Variants in ERI3 observed in about 807,000 individuals in gnomAD.
The protein encoded by ERI3 is ERI1 exoribonuclease 3.
In ERI3, 18 loss-of-function variants were observed where a neutral mutation model predicts 44.4. The ratio of observed to expected loss-of-function variants is 0.41; its 90% CI spans 0.28 to 0.60. The LOEUF is 0.60. Ranked by LOEUF, ERI3 falls within the 20% of genes least tolerant of loss-of-function variation. The pLI, the probability that ERI3 is intolerant of heterozygous loss-of-function variation, is 0.36. For synonymous variants in ERI3, 183 were observed against 164.8 expected (o/e 1.11, Z -0.84); for missense variants, 294 against 435.5 (o/e 0.68, Z 2.89).
At chr1:44,319,510 T>C in intron 4 of ERI3, 118 bp downstream of exon 4, 1 of 686,874 alleles carries the variant, frequency 1.5e-6, no homozygotes, top group Non-Finnish European at 2.6e-6. Flanking sequence ...AGGTCTAGTG[T>C]GCACTTGCCT....
At chr1:44,353,802 C>T (rs922593167) in intron 1 of ERI3, 3 of 985,360 alleles carry the variant, frequency 3.0e-6, no homozygotes, top group Non-Finnish European at 3.6e-6. Context: ...CTTAAGTTGC[C>T]AAAGTGCTCT....
intron 8 of ERI3, among the ~76,000 whole-genome samples, chr1:44,244,879 T>A (rs1644521190): frequency 6.6e-6 from 1 of 152,074 alleles, no homozygotes; most frequent in Admixed American, 6.5e-5. Flanking sequence ...GCCACACCCC[T>A]GTGGCACTGC....
chr1:44,331,638 C>T (rs923599796), intron 3 of ERI3, among the ~76,000 whole-genome samples: 2 of 152,242 alleles, frequency 1.3e-5, no homozygotes, highest in Non-Finnish European at 2.9e-5. Flanking sequence ...ATCCAACTAA[C>T]TGAACAGTGA....
chr1:44,348,823 G>T (rs1194081453), intron 2 of ERI3, among the ~76,000 whole-genome samples: 1 of 152,228 alleles, frequency 6.6e-6, no homozygotes, highest in Non-Finnish European at 1.5e-5. Context: ...TGGCAAATCT[G>T]CCCTAGCTTT....
intron 7 of ERI3, among the ~76,000 whole-genome samples, chr1:44,267,775 T>C (rs142623730): frequency 0.01 from 1,543 of 152,282 alleles, 64 homozygotes; most frequent in Admixed American, 0.079. Context: ...ATAAACACGC[T>C]TGGGTTCATG....
chr1:44,269,961 A>C (rs747842412), intron 7 of ERI3, among the ~76,000 whole-genome samples: 3 of 152,198 alleles, frequency 2.0e-5, no homozygotes, highest in Admixed American at 6.5e-5. Flanking sequence ...GGCTCAATGC[A>C]TTGGTGTTCT....
At chr1:44,352,782 C>G (rs549669153) in intron 2 of ERI3, 68 bp downstream of exon 2, 40 of 1,573,706 alleles carry the variant, frequency 2.5e-5, no homozygotes, top group Middle Eastern at 3.4e-4. Flanking sequence ...GCCCCCACCC[C>G]CTACCCTCCA....
intron 7 of ERI3, among the ~76,000 whole-genome samples, chr1:44,256,573 G>A (rs759423443): frequency 2.6e-5 from 4 of 152,090 alleles, no homozygotes; most frequent in East Asian, 1.9e-4. Context: ...CTTCATCAAC[G>A]GAACCTGAGT....
intron 7 of ERI3, among the ~76,000 whole-genome samples, chr1:44,258,935 T>G (rs899943098): frequency 6.6e-6 from 1 of 152,140 alleles, no homozygotes; most frequent in Non-Finnish European, 1.5e-5. Context: ...CTCTTTGGGG[T>G]GCACCCAACA....
At chr1:44,266,822 G>C (rs569899642) in intron 7 of ERI3, among the ~76,000 whole-genome samples, 1 of 152,332 alleles carries the variant, frequency 6.6e-6, no homozygotes, top group East Asian at 1.9e-4. Context: ...TCTGATCTCT[G>C]ATCTCTGCCC....
At chr1:44,282,642 G>C (rs920590989) in intron 7 of ERI3, among the ~76,000 whole-genome samples, 3 of 152,198 alleles carry the variant, frequency 2.0e-5, no homozygotes, top group Non-Finnish European at 4.4e-5. Context: ...TGTTGGTAAG[G>C]ACTGAGCTAA....
At chr1:44,276,675 C>A (rs1423812671) in intron 7 of ERI3, among the ~76,000 whole-genome samples, 1 of 152,136 alleles carries the variant, frequency 6.6e-6, no homozygotes, top group Non-Finnish European at 1.5e-5. Context: ...TATACCAATT[C>A]CTCATTTTGT....
At chr1:44,275,410 CA>C (rs1020109116) in intron 7 of ERI3, among the ~76,000 whole-genome samples, 2 of 152,198 alleles carry the variant, frequency 1.3e-5, no homozygotes, top group African/African-American at 4.8e-5. Flanking sequence ...TGGCCCCCAG[CA>C]AAGAACTTCA....
intron 7 of ERI3, among the ~76,000 whole-genome samples, chr1:44,269,244 A>C (rs983715139): frequency 2.6e-5 from 4 of 152,212 alleles, no homozygotes; most frequent in Non-Finnish European, 5.9e-5. Context: ...AAACTCCCTC[A>C]TCCAACTCCC....
At chr1:44,282,715 G>A (rs1645314216) in intron 7 of ERI3, among the ~76,000 whole-genome samples, 1 of 152,172 alleles carries the variant, frequency 6.6e-6, no homozygotes, top group South Asian at 2.1e-4. Context: ...CAAAGTGGCT[G>A]GAGTGCAGAG....
intron 6 of ERI3, among the ~76,000 whole-genome samples, chr1:44,287,167 T>C (rs1361552049): frequency 2.0e-5 from 3 of 152,124 alleles, no homozygotes; most frequent in East Asian, 3.9e-4. Context: ...AAAAACCCAA[T>C]GGATTTAGTA....
chr1:44,221,755 T>A lies in ERI3; in HGVS notation c.932-115A>T. ...GGTCAGATTCAGGAGACACAGGCTT[T>A]AGAGAGGGTGGTCCCATCCCCTGGT... On this transcript the variant is annotated intron_variant, in intron 8 of 8. Transcript: ENST00000372257. The surrounding 1 kb of genome is among the most constrained non-coding windows in gnomAD (Gnocchi z 5.9). 1 of 804,956 alleles carries A rather than the reference T, an allele frequency of 1.2e-6. No individual in the cohort carries two copies. The highest frequency in any genetic ancestry group is 2.1e-6 in the Non-Finnish European group (1 of 479,340). 49.9% of individuals were successfully genotyped at this position (804,956 alleles called of 1,614,324 possible). A position where few individuals can be genotyped will look rare whatever the true frequency, so the allele number is the denominator to read the frequency against.
intron 3 of ERI3, among the ~76,000 whole-genome samples, chr1:44,332,414 G>C (rs1646449314): frequency 6.6e-6 from 1 of 152,172 alleles, no homozygotes; most frequent in African/African-American, 2.4e-5. Flanking sequence ...TTTGTTACCA[G>C]TGACCCAGTG....
At chr1:44,280,811 A>C (rs949320928) in intron 7 of ERI3, among the ~76,000 whole-genome samples, 1 of 152,150 alleles carries the variant, frequency 6.6e-6, no homozygotes, top group African/African-American at 2.4e-5. Context: ...GGTCAAAATC[A>C]AAGTGTGGTC....
Sources: gnomAD v4.1 joint callset for allele counts (sites outside exome capture counted in the v4.1 genomes callset) on GRCh38, gnomAD v4.1.1 for gene constraint, Gnocchi (gnomAD v3.1) non-coding constraint, MANE v1.5 for transcripts, NCBI Gene and HGNC (gene_info 2026-07-23, HGNC 2026-07-21) for gene names.